Variants in FBXO34 observed in about 807,000 individuals in gnomAD.
FBXO34 encodes the protein F-box only protein 34.
A neutral mutation model predicts 24.5 loss-of-function variants in FBXO34; 12 were observed. The observed-to-expected ratio is 0.49, with a 90% CI of 0.31 to 0.79. FBXO34 has a LOEUF of 0.79. Among genes scored for constraint, FBXO34 ranks in the 30% least tolerant of loss-of-function variants. The probability of loss-of-function intolerance (pLI) is 0.04; values close to 1 mark genes in which losing one functional copy is unlikely to be tolerated. For missense variants in FBXO34, 823 were observed against 857.7 expected, an observed-to-expected ratio of 0.96 and a Z score of 0.51; for synonymous variants, 320 against 311.9, an observed-to-expected ratio of 1.03 and a Z score of -0.27.
downstream of FBXO34, among the ~76,000 whole-genome samples, chr14:55,364,634 G>A (rs562413870): frequency 1.3e-5 from 2 of 151,608 alleles, 1 homozygote; most frequent in African/African-American, 4.8e-5. Context: ...TTGCCATGTT[G>A]GCCAGGCTGG....
At chr14:55,417,063 G>A in the FBXO34 span, among the ~76,000 whole-genome samples, 1 of 152,244 alleles carries the variant, frequency 6.6e-6, no homozygotes, top group Non-Finnish European at 1.5e-5. Flanking sequence ...CCTTTCCCAA[G>A]AGGGAATGGA....
chr14:55,373,646 G>C (rs532795239), downstream of FBXO34, among the ~76,000 whole-genome samples: 72 of 152,128 alleles, frequency 4.7e-4, no homozygotes, highest in Admixed American at 3.4e-3. Context: ...TTTTAGTAGA[G>C]ATGCAGTTTC....
chr14:55,382,585 A>G, the FBXO34 span, among the ~76,000 whole-genome samples: 3 of 152,316 alleles, frequency 2.0e-5, no homozygotes, highest in East Asian at 3.9e-4. Flanking sequence ...TACTGAGATT[A>G]TAATCATGAG....
chr14:55,428,119 C>CTTTTTTTTTTTTTTTTT, the FBXO34 span, among the ~76,000 whole-genome samples: 49 of 43,360 alleles, frequency 1.1e-3, 18 homozygotes, highest in East Asian at 1.7e-3. Context: ...CATGCCTTAT[C>CTTTTTTTTTTTTTTTTT]TTTTTTTTTT....
At chr14:55,330,059 T>G (rs373446880) in intron 1 of FBXO34, among the ~76,000 whole-genome samples, 2 of 152,150 alleles carry the variant, frequency 1.3e-5, no homozygotes, top group Admixed American at 1.3e-4. Context: ...GAATTTAGAG[T>G]TCAGTGGCAT....
chr14:55,277,538 A>G (rs1432531777), intron 1 of FBXO34, among the ~76,000 whole-genome samples: 1 of 151,786 alleles, frequency 6.6e-6, no homozygotes, highest in Non-Finnish European at 1.5e-5. Context: ...CCCAGTTTGG[A>G]GTGCAGTGGC....
At chr14:55,366,640 T>G (rs1452903497), downstream of FBXO34, 3 of 98,830 alleles carry the variant, frequency 3.0e-5, no homozygotes, top group Admixed American at 1.6e-4. Context: ...TGCAAAACTT[T>G]TCTTATATTC....
intron 1 of FBXO34, among the ~76,000 whole-genome samples, chr14:55,328,076 C>T (rs984581007): frequency 4.6e-5 from 7 of 151,576 alleles, no homozygotes; most frequent in African/African-American, 1.2e-4. Flanking sequence ...CTCAGCCTCC[C>T]GAGTAGAGTA....
the FBXO34 span, among the ~76,000 whole-genome samples, chr14:55,407,291 C>T: frequency 6.6e-6 from 1 of 152,134 alleles, no homozygotes; most frequent in Non-Finnish European, 1.5e-5. Context: ...CCACCACGCC[C>T]AGCTAATTTT....
intron 1 of FBXO34, among the ~76,000 whole-genome samples, chr14:55,340,903 A>G (rs1488435224): frequency 1.3e-5 from 2 of 152,246 alleles, no homozygotes; most frequent in Non-Finnish European, 2.9e-5. Flanking sequence ...TAGGGCACAT[A>G]TTAAAGCACT....
chr14:55,436,848 G>A, the FBXO34 span: 5 of 1,614,016 alleles, frequency 3.1e-6, no homozygotes, highest in Non-Finnish European at 4.2e-6. Context: ...TATTTTCCTG[G>A]GTAACTTCAT....
rs191373042 is a variant in FBXO34 at position 55,316,898 on chromosome 14, C to T, written c.-10-33483C>T. On this transcript the variant is annotated intron_variant, in intron 1 of 1. Transcript: ENST00000313833. ...CTTGTTTTTATCTCTATCTTTTATGCTAGAGATGTCTAGCTGTTTGCTCAT... is the reference window on the plus strand; with the variant it reads ...CTTGTTTTTATCTCTATCTTTTATGTTAGAGATGTCTAGCTGTTTGCTCAT... Among the ~76,000 whole-genome samples, 407 of 152,200 alleles carry T rather than the reference C, an allele frequency of 2.7e-3. 6 individuals are homozygous for T. The highest frequency in any genetic ancestry group is 3.8e-3 in the Non-Finnish European group (257 of 68,000).
At chr14:55,348,352 C>G (rs1884227933) in intron 1 of FBXO34, among the ~76,000 whole-genome samples, 1 of 152,048 alleles carries the variant, frequency 6.6e-6, no homozygotes, top group Non-Finnish European at 1.5e-5. Flanking sequence ...CCTCAACCAC[C>G]CCATTAGCTG....
the FBXO34 span, chr14:55,428,802 C>T: frequency 6.2e-7 from 1 of 1,613,396 alleles, no homozygotes; most frequent in Non-Finnish European, 8.5e-7. Flanking sequence ...ATATAACCGT[C>T]ATACCTACTG....
the FBXO34 span, among the ~76,000 whole-genome samples, chr14:55,406,525 T>G: frequency 6.6e-6 from 1 of 152,220 alleles, no homozygotes; most frequent in African/African-American, 2.4e-5. Flanking sequence ...CAAGGCCTAT[T>G]GACAGTCGGT....
intron 1 of FBXO34, among the ~76,000 whole-genome samples, chr14:55,331,699 A>ATATGTG (rs1555338527): frequency 1.5e-5 from 1 of 66,654 alleles, no homozygotes; most frequent in South Asian, 4.1e-4. Context: ...ATATATATAT[A>ATATGTG]TATATGTATA....
At chr14:55,417,450 C>G in the FBXO34 span, among the ~76,000 whole-genome samples, 1 of 121,892 alleles carries the variant, frequency 8.2e-6, no homozygotes, top group Admixed American at 8.3e-5. Context: ...ATGACCCTTG[C>G]CTTAAAAAAA....
chr14:55,353,786 G>C (rs1884474032), downstream of FBXO34, among the ~76,000 whole-genome samples: 1 of 152,212 alleles, frequency 6.6e-6, no homozygotes, highest in Non-Finnish European at 1.5e-5. Context: ...TTTGCAACCT[G>C]TCAGTTCTTC....
the FBXO34 span, chr14:55,440,274 T>G: frequency 1.6e-6 from 2 of 1,273,510 alleles, no homozygotes; most frequent in Middle Eastern, 2.0e-4. Flanking sequence ...ACTTAATGAC[T>G]TGGGAAACCA....
Sources: allele counts gnomAD v4.1 joint callset (sites outside exome capture counted in the v4.1 genomes callset), GRCh38; gene constraint gnomAD v4.1.1; transcripts MANE v1.5; gene names NCBI Gene and HGNC (gene_info 2026-07-23, HGNC 2026-07-21).